Variants in ZBTB7C observed in about 807,000 individuals in gnomAD.
The protein encoded by ZBTB7C is zinc finger and BTB domain-containing protein 7C.
A neutral mutation model predicts 25.7 loss-of-function variants in ZBTB7C; 8 were observed. The ratio of observed to expected loss-of-function variants is 0.31; its 90% CI spans 0.18 to 0.56. ZBTB7C has a LOEUF of 0.56. Ranked by LOEUF, ZBTB7C falls within the 20% of genes least tolerant of loss-of-function variation. The probability of loss-of-function intolerance (pLI) is 0.91; values close to 1 mark genes in which losing one functional copy is unlikely to be tolerated. For missense variants in ZBTB7C, 824 were observed against 855.2 expected, an observed-to-expected ratio of 0.96 and a Z score of 0.46; for synonymous variants, 394 against 369.0, an observed-to-expected ratio of 1.07 and a Z score of -0.78.
At chr18:48,320,681 C>T (rs2046069075) in intron 2 of ZBTB7C, among the ~76,000 whole-genome samples, 1 of 152,240 alleles carries the variant, frequency 6.6e-6, no homozygotes. Flanking sequence ...AGGCCAAGCC[C>T]AGTGGGCACT....
At chr18:48,279,626 A>G (rs76131718) in intron 2 of ZBTB7C, among the ~76,000 whole-genome samples, 7,736 of 152,268 alleles carry the variant, frequency 0.051, 249 homozygotes, top group Non-Finnish European at 0.072. Context: ...AACCTCCCCA[A>G]AATGGCCTGC....
intron 2 of ZBTB7C, among the ~76,000 whole-genome samples, chr18:48,197,006 A>C (rs186272555): frequency 2.5e-4 from 38 of 152,322 alleles, no homozygotes; most frequent in African/African-American, 9.1e-4. Context: ...GGCTTAAGTG[A>C]ATCAGCTCAA....
chr18:48,129,668 G>C (rs1027229889), intron 3 of ZBTB7C, among the ~76,000 whole-genome samples: 1 of 152,196 alleles, frequency 6.6e-6, no homozygotes, highest in Non-Finnish European at 1.5e-5. Context: ...GGGAGGGAGA[G>C]GCTCCGGGCA....
chr18:48,141,030 C>T (rs1299490153), intron 3 of ZBTB7C, among the ~76,000 whole-genome samples: 1 of 152,196 alleles, frequency 6.6e-6, no homozygotes, highest in Non-Finnish European at 1.5e-5. Flanking sequence ...GCATCTGGTC[C>T]TGTCATAGGG....
At chr18:48,355,525 C>T (rs2145066313) in intron 1 of ZBTB7C, among the ~76,000 whole-genome samples, 1 of 152,300 alleles carries the variant, frequency 6.6e-6, no homozygotes, top group South Asian at 2.1e-4. Flanking sequence ...AGGAACCCCA[C>T]TTAGCCATTC....
intron 2 of ZBTB7C, among the ~76,000 whole-genome samples, chr18:48,228,823 GCCC>G (rs968048086): frequency 6.8e-6 from 1 of 147,532 alleles, no homozygotes; most frequent in Non-Finnish European, 1.5e-5. Context: ...GCACCCTTAC[GCCC>G]CCACTTGTGC....
At chr18:48,335,801 T>C (rs1598897352) in intron 2 of ZBTB7C, among the ~76,000 whole-genome samples, 2 of 152,348 alleles carry the variant, frequency 1.3e-5, no homozygotes, top group South Asian at 4.1e-4. Context: ...ATAATTTTTA[T>C]GCTAATTACA....
At chr18:48,090,087 G>A (rs1382512025) in intron 3 of ZBTB7C, among the ~76,000 whole-genome samples, 1 of 152,258 alleles carries the variant, frequency 6.6e-6, no homozygotes, top group Non-Finnish European at 1.5e-5. Context: ...TTCCCATAAG[G>A]TGGGACCCAT....
At position 48,366,597 on chromosome 18, in the gene ZBTB7C, A is replaced by G. The variant is rs555788380; in HGVS notation, c.-303-28199T>C. On this transcript the variant is annotated intron_variant, in intron 1 of 4. Transcript: ENST00000590800. Reference sequence around the variant, plus strand: ...TGCATTTACAAACACGTACAAGTCCATAAGAAAGGCCAGCAACCCAAAAGG... The same window carrying G: ...TGCATTTACAAACACGTACAAGTCCGTAAGAAAGGCCAGCAACCCAAAAGG... Among the ~76,000 whole-genome samples the G allele has an allele frequency of 2.6e-5, 4 of 152,376 alleles. No homozygotes were observed. In the East Asian group the frequency reaches 7.7e-4, roughly 29 times the overall value.
At chr18:48,191,506 G>A (rs906630143) in intron 2 of ZBTB7C, among the ~76,000 whole-genome samples, 15 of 152,272 alleles carry the variant, frequency 9.9e-5, no homozygotes, top group Admixed American at 7.8e-4. Flanking sequence ...CAGCAAGGCT[G>A]GCTTTTCCCT....
rs538283547 is a variant in ZBTB7C at position 48,276,314 on chromosome 18, T to C, written c.-79+61860A>G. ...TAAGTCTTTTTTATTTATTTATTTA[T>C]TATACTTTAAGTTTTAGGGTACATG... On this transcript the variant is annotated intron_variant, in intron 2 of 4. Transcript: ENST00000590800. Among the ~76,000 whole-genome samples, 3 of 151,846 alleles carry C rather than the reference T, an allele frequency of 2.0e-5. No individual in the cohort carries two copies. The South Asian group carries it at 6.3e-4, about 32-fold the overall frequency.
At chr18:48,051,176 G>A (rs1244500216) in intron 3 of ZBTB7C, among the ~76,000 whole-genome samples, 1 of 152,230 alleles carries the variant, frequency 6.6e-6, no homozygotes, top group Non-Finnish European at 1.5e-5. Flanking sequence ...CAAGGTCTAA[G>A]ATCCCCATAG....
At chr18:48,292,438 C>A (rs938010429) in intron 2 of ZBTB7C, among the ~76,000 whole-genome samples, 7 of 152,076 alleles carry the variant, frequency 4.6e-5, no homozygotes, top group African/African-American at 1.7e-4. Context: ...TGACTCATGG[C>A]CTCTCTGACC....
At chr18:48,292,615 G>A (rs564381567) in intron 2 of ZBTB7C, among the ~76,000 whole-genome samples, 2 of 152,182 alleles carry the variant, frequency 1.3e-5, no homozygotes, top group African/African-American at 4.8e-5. Context: ...TAGCCAACCT[G>A]GGCAGGGACC....
rs1234754014 is a variant in ZBTB7C, at chr18:48,196,810, A to C, written c.-78-10815T>G. ...AACCAATCTCAAGTACAGTGTTAGC[A>C]GGCACCTGCAACTCATGAAGAGAAG... On this transcript the variant is annotated intron_variant, in intron 2 of 4. Coordinates refer to ENST00000590800, the MANE Select transcript of ZBTB7C (RefSeq NM_001318841.2). 2.0e-5 allele frequency among the ~76,000 whole-genome samples: 3 copies of C among 152,228 alleles called. No homozygotes were observed. The South Asian group carries it at 6.2e-4, about 32-fold the overall frequency.
intron 2 of ZBTB7C, among the ~76,000 whole-genome samples, chr18:48,292,608 C>T (rs59733587): frequency 0.028 from 4,232 of 152,224 alleles, 177 homozygotes; most frequent in African/African-American, 0.083. Flanking sequence ...CTGCAGGTAG[C>T]CAACCTGGGC....
At chr18:48,176,774 A>G (rs1300967172) in intron 3 of ZBTB7C, among the ~76,000 whole-genome samples, 1 of 152,250 alleles carries the variant, frequency 6.6e-6, no homozygotes, top group African/African-American at 2.4e-5. Flanking sequence ...ATTTTTCCCA[A>G]ATAAAAAATT....
chr18:48,389,008 C>T (rs375654034), intron 1 of ZBTB7C, among the ~76,000 whole-genome samples: 3 of 152,280 alleles, frequency 2.0e-5, no homozygotes, highest in East Asian at 3.9e-4. Flanking sequence ...CCTCTGCCCC[C>T]CAGTCTTTAT....
intron 2 of ZBTB7C, among the ~76,000 whole-genome samples, chr18:48,212,714 T>C (rs2042730437): frequency 6.6e-6 from 1 of 151,412 alleles, no homozygotes; most frequent in African/African-American, 2.5e-5. Context: ...ACAAGTTAGT[T>C]TGTGATTCAT....
Sources: allele counts gnomAD v4.1 joint callset (sites outside exome capture counted in the v4.1 genomes callset), GRCh38; gene constraint gnomAD v4.1.1; transcripts MANE v1.5; gene names NCBI Gene and HGNC (gene_info 2026-07-23, HGNC 2026-07-21).